Variants in CNGA1 observed in about 807,000 individuals in gnomAD.
CNGA1 encodes the protein cyclic nucleotide gated channel subunit alpha 1.
CNGA1 carries 53 observed loss-of-function variants against 69.7 expected under a neutral mutation model. The ratio of observed to expected loss-of-function variants is 0.76; its 90% CI spans 0.61 to 0.96. CNGA1 has a LOEUF of 0.96. Ranked by LOEUF, CNGA1 falls within the 40% of genes least tolerant of loss-of-function variation. The pLI, the probability that CNGA1 is intolerant of heterozygous loss-of-function variation, is 0.00. For synonymous variants in CNGA1, 249 were observed against 283.5 expected (o/e 0.88, Z 1.22); for missense variants, 739 against 811.2 (o/e 0.91, Z 1.08).
intron 10 of CNGA1, among the ~76,000 whole-genome samples, chr4:47,939,277 A>C (rs1453592828): frequency 6.6e-6 from 1 of 152,132 alleles, no homozygotes; most frequent in Non-Finnish European, 1.5e-5. Flanking sequence ...TCCCTGAACT[A>C]TGGGGTTTGG....
At chr4:47,984,484 G>C (rs1741887585) in intron 2 of CNGA1, among the ~76,000 whole-genome samples, 1 of 151,876 alleles carries the variant, frequency 6.6e-6, no homozygotes, top group East Asian at 1.9e-4. Context: ...CAGGCATGGT[G>C]GTGCACGCCT....
rs1253082830 is a variant in CNGA1 at position 48,010,857 on chromosome 4, G to C, written c.-186C>G. 1 of 153,600 alleles carries C rather than the reference G, an allele frequency of 6.5e-6. No homozygotes were observed. Among genetic ancestry groups the C allele is most frequent in the East Asian group, 1.9e-4 (1 of 5,226 alleles). The allele number at this position is 153,600 out of a possible 1,614,324, so 9.5% of individuals were successfully genotyped here. ...TGCGATGGCAGCAAACGACAGTGGT[G>C]GGCAGTGGTGGACGGCAAGCGAAAG... On this transcript the variant is annotated 5_prime_UTR_variant, in exon 2 of 11. Transcript: ENST00000514170.
chr4:48,007,938 C>A (rs1359119340), intron 2 of CNGA1, among the ~76,000 whole-genome samples: 1 of 152,058 alleles, frequency 6.6e-6, no homozygotes, highest in Admixed American at 6.5e-5. Context: ...TATTTCACTC[C>A]TTTTAAAAGG....
chr4:47,972,517 C>G (rs902127415), intron 3 of CNGA1, among the ~76,000 whole-genome samples: 5 of 152,110 alleles, frequency 3.3e-5, no homozygotes, highest in African/African-American at 1.2e-4. Flanking sequence ...TTTCCCATAC[C>G]CTGACCAACA....
chr4:48,015,672 G>A lies in CNGA1; in HGVS notation c.-223+811C>T, dbSNP rs188017691. 1.1e-4 allele frequency among the ~76,000 whole-genome samples: 17 copies of A among 151,920 alleles called. No homozygotes were observed. The East Asian group carries it at 3.1e-3, about 28-fold the overall frequency. The stretch of plus-strand genomic sequence containing the variant: ...GACTAGAGTGCAGTGGTTCGATCAT[G>A]TCTCACTGTAGCCTCCACCTCCTGG... On this transcript the variant is annotated intron_variant, in intron 1 of 10. Coordinates refer to ENST00000514170, the MANE Select transcript of CNGA1 (RefSeq NM_001379270.1).
intron 2 of CNGA1, among the ~76,000 whole-genome samples, chr4:47,997,473 T>C (rs1019957678): frequency 2.6e-5 from 4 of 152,146 alleles, no homozygotes; most frequent in African/African-American, 7.2e-5. Context: ...CCTAGCAAAA[T>C]GTCAAAGACA....
intron 3 of CNGA1, among the ~76,000 whole-genome samples, chr4:47,966,509 C>T (rs946130888): frequency 1.3e-5 from 2 of 152,172 alleles, no homozygotes; most frequent in African/African-American, 2.4e-5. Context: ...GGGTAAGGCA[C>T]ATAAATCTAC....
chr4:47,957,413 A>G (rs887071048), intron 3 of CNGA1, among the ~76,000 whole-genome samples: 3 of 152,134 alleles, frequency 2.0e-5, no homozygotes, highest in Admixed American at 6.5e-5. Flanking sequence ...CCAGGAGTTC[A>G]AGACTGGGCA....
intron 3 of CNGA1, among the ~76,000 whole-genome samples, chr4:47,955,259 T>C (rs1193415569): frequency 6.9e-6 from 1 of 145,958 alleles, no homozygotes; most frequent in South Asian, 2.2e-4. Context: ...ATCAGCTCAC[T>C]GCAACCTCTG....
intron 6 of CNGA1, among the ~76,000 whole-genome samples, chr4:47,944,824 T>G (rs1418798213): frequency 6.6e-6 from 1 of 152,118 alleles, no homozygotes; most frequent in Non-Finnish European, 1.5e-5. Flanking sequence ...TAGAAATAAC[T>G]GAGACTAATG....
intron 6 of CNGA1, among the ~76,000 whole-genome samples, chr4:47,945,023 A>C (rs1321337067): frequency 1.3e-5 from 2 of 152,110 alleles, no homozygotes; most frequent in Non-Finnish European, 2.9e-5. Context: ...AAAATGAATC[A>C]GGAATGAATA....
At chr4:47,990,016 G>A (rs1742185119) in intron 2 of CNGA1, among the ~76,000 whole-genome samples, 2 of 149,342 alleles carry the variant, frequency 1.3e-5, no homozygotes, top group Admixed American at 6.6e-5. Context: ...AGCTGAGGAT[G>A]TGTGTTGCCT....
chr4:47,964,930 T>C (rs950766491), intron 3 of CNGA1, among the ~76,000 whole-genome samples: 1 of 152,190 alleles, frequency 6.6e-6, no homozygotes, highest in African/African-American at 2.4e-5. Context: ...TTATTCTTAT[T>C]TATTTTGAAA....
intron 3 of CNGA1, among the ~76,000 whole-genome samples, chr4:47,956,892 A>G (rs951198106): frequency 6.6e-6 from 1 of 152,072 alleles, no homozygotes; most frequent in Non-Finnish European, 1.5e-5. Context: ...AAATATCTAC[A>G]TTATAATAAA....
chr4:47,967,610 C>T (rs1182868859), intron 3 of CNGA1, among the ~76,000 whole-genome samples: 3 of 152,154 alleles, frequency 2.0e-5, no homozygotes, highest in African/African-American at 4.8e-5. Flanking sequence ...AGCAAGGTCA[C>T]AGGACTGTAA....
rs377338639 is a variant in CNGA1 at position 47,955,173 on chromosome 4, C to CTTTTTTTTTTTTTTTTTTTTT, written c.-14-2491_-14-2471dup. Among the ~76,000 whole-genome samples the CTTTTTTTTTTTTTTTTTTTTT allele has an allele frequency of 4.1e-5, 4 of 98,208 alleles. 1 individual carries two copies. Among genetic ancestry groups the CTTTTTTTTTTTTTTTTTTTTT allele is most frequent in the Non-Finnish European group, 3.9e-5 (2 of 51,074 alleles). 64.4% of individuals were successfully genotyped at this position (98,208 alleles called of 152,430 possible). A position where few individuals can be genotyped will look rare whatever the true frequency, so the allele number is the denominator to read the frequency against. Reference sequence around the variant, plus strand: ...TTTTTCTCTGTCTCTTTTTTCTTTTCTTTTTTTTTTTTTTTTTTTTTTTTT... The same window carrying CTTTTTTTTTTTTTTTTTTTTT: ...TTTTTCTCTGTCTCTTTTTTCTTTTCTTTTTTTTTTTTTTTTTTTTTTTTTTTTTTTTTTTTTTTTTTTTTT... On this transcript the variant is annotated intron_variant, in intron 3 of 10. Coordinates refer to ENST00000514170, the MANE Select transcript of CNGA1 (RefSeq NM_001379270.1).
At chr4:47,982,466 G>C (rs1190016190) in intron 2 of CNGA1, among the ~76,000 whole-genome samples, 1 of 152,004 alleles carries the variant, frequency 6.6e-6, no homozygotes, top group African/African-American at 2.4e-5. Context: ...ATTGACTTCT[G>C]AGTTCCAGAA....
intron 3 of CNGA1, among the ~76,000 whole-genome samples, chr4:47,958,357 G>A (rs1057115509): frequency 2.0e-5 from 3 of 151,538 alleles, no homozygotes; most frequent in Admixed American, 6.6e-5. Context: ...AGGCGTGGTG[G>A]CTCACGCCTG....
chr4:48,015,106 A>T (rs1715323682), intron 1 of CNGA1, among the ~76,000 whole-genome samples: 1 of 152,138 alleles, frequency 6.6e-6, no homozygotes, highest in African/African-American at 2.4e-5. Context: ...TGAACCCAGG[A>T]GGCGGAGCTT....
Sources: allele counts gnomAD v4.1 joint callset (sites outside exome capture counted in the v4.1 genomes callset), GRCh38; gene constraint gnomAD v4.1.1; transcripts MANE v1.5; gene names NCBI Gene and HGNC (gene_info 2026-07-23, HGNC 2026-07-21).